Variants in CAPN6 observed in about 807,000 individuals in gnomAD.
CAPN6 encodes the protein calpain 6.
A neutral mutation model predicts 46.0 loss-of-function variants in CAPN6; 16 were observed. The observed-to-expected ratio is 0.35, with a 90% CI of 0.24 to 0.53. The LOEUF is 0.53. Among genes scored for constraint, CAPN6 ranks in the 20% least tolerant of loss-of-function variants. CAPN6 has a pLI of 0.94. For missense variants in CAPN6, 461 were observed against 498.0 expected, an observed-to-expected ratio of 0.93 and a Z score of 0.71; for synonymous variants, 206 against 172.8, an observed-to-expected ratio of 1.19 and a Z score of -1.51.
At chrX:111,261,309 A>G (rs779693446) in intron 2 of CAPN6, among the ~76,000 whole-genome samples, 132 of 112,743 alleles carry the variant, frequency 1.2e-3, no homozygotes, top group Middle Eastern at 4.6e-3. Flanking sequence ...TTCTTTTTAT[A>G]TAAAGATATA....
At chrX:111,266,736 G>A (rs1352293867) in intron 1 of CAPN6, among the ~76,000 whole-genome samples, 2 of 112,418 alleles carry the variant, frequency 1.8e-5, no homozygotes, top group Non-Finnish European at 3.8e-5. Context: ...TCTGTGCAAT[G>A]CCAGATTCAG....
chrX:111,259,370 G>C (rs1284921609), intron 2 of CAPN6, among the ~76,000 whole-genome samples: 2 of 112,396 alleles, frequency 1.8e-5, no homozygotes, highest in African/African-American at 6.5e-5. Context: ...AAATTCTTGA[G>C]CAGACTAGGC....
chrX:111,269,301 C>T (rs1243713466), intron 1 of CAPN6, among the ~76,000 whole-genome samples: 1 of 112,085 alleles, frequency 8.9e-6, no homozygotes, highest in African/African-American at 3.2e-5. Context: ...CATGCTCACA[C>T]ACACACACAA....
intron 4 of CAPN6, 43 bp from the exon 5 acceptor site, chrX:111,252,542 C>A: frequency 9.3e-7 from 1 of 1,072,787 alleles, no homozygotes. Context: ...AATTGTTTTT[C>A]CAGGTCAAGA....
intron 1 of CAPN6, among the ~76,000 whole-genome samples, chrX:111,269,932 C>T (rs971245599): frequency 8.9e-6 from 1 of 111,938 alleles, no homozygotes; most frequent in Non-Finnish European, 1.9e-5. Flanking sequence ...GCTCGCATTT[C>T]AATAATTTTC....
intron 2 of CAPN6, among the ~76,000 whole-genome samples, chrX:111,259,825 G>A (rs1335419686): frequency 3.6e-5 from 4 of 111,611 alleles, no homozygotes; most frequent in African/African-American, 1.3e-4. Context: ...ATATGAGTCA[G>A]TAAGGAAAAA....
rs1326469791 is a variant in CAPN6, at chrX:111,251,396, T to A, written c.894-110A>T. 4.3e-6 allele frequency: 4 copies of A among 935,099 alleles called. No homozygotes were observed. The Admixed American group carries it at 1.0e-4, about 24-fold the overall frequency. The allele number at this position is 935,099 out of a possible 1,213,427, so 77.1% of individuals were successfully genotyped here. On this transcript the variant is annotated intron_variant, in intron 6 of 12. Coordinates refer to ENST00000324068, the MANE Select transcript of CAPN6 (RefSeq NM_014289.4). The stretch of plus-strand genomic sequence containing the variant: ...AGAGTGCATGAGGATCAGTCCTGCT[T>A]TATTTCATCTGCGGCTGGGTCACAG...
intron 1 of CAPN6, among the ~76,000 whole-genome samples, chrX:111,266,495 A>T (rs1023582220): frequency 8.9e-6 from 1 of 112,373 alleles, no homozygotes; most frequent in East Asian, 2.8e-4. Context: ...TGAGCTGGGC[A>T]CACAAATATT....
intron 5 of CAPN6, 106 bp downstream of exon 5, chrX:111,252,201 A>G (rs2094980132): frequency 2.0e-5 from 12 of 613,084 alleles, no homozygotes; most frequent in Non-Finnish European, 2.7e-5. Flanking sequence ...AGTCCCATTA[A>G]TAGTTTTTCA....
At position 111,246,386 on chromosome X, in the gene CAPN6, G is replaced by T. The variant is rs1234515092; in HGVS notation, c.*191C>A. 2.3e-6 allele frequency: 1 copy of T among 426,349 alleles called. No individual in the cohort carries two copies. Among genetic ancestry groups the T allele is most frequent in the Non-Finnish European group, 4.0e-6 (1 of 248,292 alleles). 35.1% of individuals were successfully genotyped at this position (426,349 alleles called of 1,213,427 possible). On this transcript the variant is annotated 3_prime_UTR_variant, in exon 13 of 13. Coordinates refer to ENST00000324068, the MANE Select transcript of CAPN6 (RefSeq NM_014289.4). ...TGTCGCCTCCCCATGTCCAGCTGCT[G>T]GAGGTATATAGGTTATGTAGCTACA...
intron 5 of CAPN6, 108 bp from the exon 6 acceptor site, chrX:111,251,850 A>ACCCTAGCTT: frequency 1.6e-6 from 1 of 627,695 alleles, no homozygotes; most frequent in Non-Finnish European, 2.4e-6. Flanking sequence ...TAGTTCTCAC[A>ACCCTAGCTT]CAGATGGAAA....
intron 2 of CAPN6, among the ~76,000 whole-genome samples, chrX:111,261,734 T>A (rs905650630): frequency 3.6e-5 from 4 of 112,036 alleles, no homozygotes; most frequent in African/African-American, 1.3e-4. Context: ...ACTGTCTGCT[T>A]GGTGCACTTC....
At chrX:111,264,967 AT>A (rs985854180) in intron 1 of CAPN6, among the ~76,000 whole-genome samples, 1 of 112,193 alleles carries the variant, frequency 8.9e-6, no homozygotes, top group African/African-American at 3.2e-5. Flanking sequence ...GTAAATAAGA[AT>A]GAGATTGTGA....
rs2094982115 is a variant in CAPN6 at position 111,254,348 on chromosome X, G to A, written c.221C>T (p.Thr74Ile). Residue 74 changes from threonine to isoleucine, a missense_variant, in exon 3 of 13, where the codon ACC becomes ATC. By Grantham distance (89) the Thr-to-Ile change is moderately conservative. Coordinates refer to ENST00000324068, the MANE Select transcript of CAPN6 (RefSeq NM_014289.4). The stretch of plus-strand genomic sequence containing the variant: ...TGGCTTGTGCCCCAGTCTCCCTTGG[G>A]TCAGCTGGTGGTTGCTAATGTTGCC... ...IVGNISNHQL[T>I]QGRLGHKPMV... 8.3e-7 allele frequency: 1 copy of A among 1,210,148 alleles called. No individual in the cohort carries two copies. The highest frequency in any genetic ancestry group is 2.3e-4 in the Middle Eastern group (1 of 4,349).
Position 111,250,086 on chromosome X carries a change from G to A in CAPN6, c.1158+831C>T, listed in dbSNP as rs767322755. 5.4e-5 allele frequency among the ~76,000 whole-genome samples: 6 copies of A among 110,906 alleles called. No homozygotes were observed. The South Asian group carries it at 2.3e-3, about 43-fold the overall frequency. On this transcript the variant is annotated intron_variant, in intron 8 of 12. Transcript: ENST00000324068. ...TGGGGGGAGATAGGATATTTCTTTA[G>A]GAACAATTAAGATGGGAAGGGTGGA...
chrX:111,257,980 G>A (rs1446819260), intron 2 of CAPN6, among the ~76,000 whole-genome samples: 2 of 111,747 alleles, frequency 1.8e-5, no homozygotes, highest in Non-Finnish European at 3.8e-5. Flanking sequence ...CCCCACTTCT[G>A]AGCCAAAACC....
At position 111,263,780 on chromosome X, in the gene CAPN6, G is replaced by A; in HGVS notation, c.157C>T (p.Arg53Cys). The A allele has an allele frequency of 1.7e-6, 2 of 1,204,801 alleles. No individual in the cohort carries two copies. Among genetic ancestry groups the A allele is most frequent in the Non-Finnish European group, 2.2e-6 (2 of 891,961 alleles). The change falls in exon 2 of 13, where the codon CGT becomes TGT. Residue 53 changes from arginine (R) to cysteine (C), a missense_variant. By Grantham distance (180) the Arg-to-Cys change is radical. Transcript: ENST00000324068. ...RLLPGKVVWK[R>C]PQDICDDPHL... is the part of the protein sequence containing the mutation. ...GTAAAATAGAAAGTTACCTGGGGACGTTTCCACACCACCTTTCCAGGAAGC... is the reference window on the plus strand; with the variant it reads ...GTAAAATAGAAAGTTACCTGGGGACATTTCCACACCACCTTTCCAGGAAGC...
intron 1 of CAPN6, among the ~76,000 whole-genome samples, chrX:111,265,113 G>A (rs967526005): frequency 5.4e-5 from 6 of 112,051 alleles, no homozygotes; most frequent in East Asian, 2.8e-4. Context: ...AGGAGAATAC[G>A]TTAGCACTTT....
chrX:111,248,144 T>C (rs1603408198), intron 10 of CAPN6, 152 bp from the exon 11 acceptor site: 2 of 554,505 alleles, frequency 3.6e-6, no homozygotes, highest in Non-Finnish European at 5.8e-6. Context: ...ATTTTAAGCA[T>C]GCTTTCCTTT....
Sources: allele counts gnomAD v4.1 joint callset (sites outside exome capture counted in the v4.1 genomes callset), GRCh38; gene constraint gnomAD v4.1.1; transcripts MANE v1.5; gene names NCBI Gene and HGNC (gene_info 2026-07-23, HGNC 2026-07-21).